Variants in CBX1 observed in about 807,000 individuals in gnomAD.
CBX1 encodes chromobox 1.
In CBX1, 10 loss-of-function variants were observed where a neutral mutation model predicts 25.1. That is an observed-to-expected ratio of 0.40 (90% confidence interval 0.25 to 0.68). The LOEUF (loss-of-function observed/expected upper bound fraction) is 0.68, where lower values mean the gene tolerates loss of function less well. CBX1 is among the 30% of genes least tolerant of loss of function. The pLI is 0.40. For synonymous variants in CBX1, 63 were observed against 79.4 expected (o/e 0.79, Z 1.10); for missense variants, 106 against 218.5 (o/e 0.49, Z 3.25).
intron 3 of CBX1, among the ~76,000 whole-genome samples, chr17:48,075,461 G>A (rs1443949455): frequency 2.0e-5 from 3 of 152,158 alleles, no homozygotes; most frequent in African/African-American, 7.2e-5. Context: ...CCAAGGGGCT[G>A]GGATTACAGG....
chr17:48,091,304 C>A (rs1425598708), intron 1 of CBX1, among the ~76,000 whole-genome samples: 2 of 151,942 alleles, frequency 1.3e-5, no homozygotes, highest in Non-Finnish European at 2.9e-5. Flanking sequence ...TTTCTTTCCC[C>A]CTCTTTTAAC....
Position 48,101,338 on chromosome 17 carries a change from G to A in CBX1, c.-108C>T. The A allele has an allele frequency of 1.0e-6, 1 of 986,182 alleles. No homozygotes were observed. Among genetic ancestry groups the A allele is most frequent in the Non-Finnish European group, 1.2e-6 (1 of 830,114 alleles). The allele number at this position is 986,182 out of a possible 1,614,324, so 61.1% of individuals were successfully genotyped here. Reference sequence around the variant, plus strand: ...CTGGCGCGTCGCGTCGGGTCGCCTGGGGGAGTGGCGCCCAGGAAGGCAGCA... The same window carrying A: ...CTGGCGCGTCGCGTCGGGTCGCCTGAGGGAGTGGCGCCCAGGAAGGCAGCA... On this transcript the variant is annotated 5_prime_UTR_variant, in exon 1 of 5. Transcript: ENST00000225603.
At chr17:48,095,426 C>G (rs1331181722) in intron 1 of CBX1, among the ~76,000 whole-genome samples, 1 of 151,904 alleles carries the variant, frequency 6.6e-6, no homozygotes, top group Non-Finnish European at 1.5e-5. Context: ...CCCATCTCTA[C>G]TAAAAATGCA....
intron 2 of CBX1, among the ~76,000 whole-genome samples, chr17:48,076,447 G>A (rs2037675293): frequency 6.6e-6 from 1 of 152,174 alleles, no homozygotes; most frequent in Non-Finnish European, 1.5e-5. Flanking sequence ...GCTCATGCTT[G>A]TAGTCCCAAC....
At chr17:48,073,283 T>C (rs754473287) in intron 4 of CBX1, among the ~76,000 whole-genome samples, 26 of 151,946 alleles carry the variant, frequency 1.7e-4, no homozygotes, top group Non-Finnish European at 3.1e-4. Context: ...CATAGTCCCA[T>C]AGAGCAGAAG....
intron 3 of CBX1, 77 bp downstream of exon 3, chr17:48,075,924 A>C (rs770640329): frequency 4.0e-5 from 44 of 1,111,612 alleles, no homozygotes; most frequent in Non-Finnish European, 5.6e-5. Flanking sequence ...TGCTAATATC[A>C]GGGAAGAAGC....
chr17:48,087,577 A>C (rs998929145), intron 1 of CBX1, among the ~76,000 whole-genome samples: 1 of 151,904 alleles, frequency 6.6e-6, no homozygotes, highest in Admixed American at 6.6e-5. Flanking sequence ...CCATCTCAAA[A>C]AAAATTTAAA....
intron 1 of CBX1, among the ~76,000 whole-genome samples, chr17:48,091,369 A>C (rs2063342767): frequency 6.7e-6 from 1 of 150,136 alleles, no homozygotes; most frequent in Non-Finnish European, 1.5e-5. Context: ...ATAACTGCAG[A>C]TCTTCTAGCT....
intron 1 of CBX1, among the ~76,000 whole-genome samples, chr17:48,099,925 G>T (rs916428879): frequency 4.6e-5 from 7 of 152,074 alleles, no homozygotes; most frequent in Non-Finnish European, 1.0e-4. Context: ...AGGATCACGA[G>T]GTCAGGAGTT....
At chr17:48,099,975 C>T (rs901744346) in intron 1 of CBX1, among the ~76,000 whole-genome samples, 4 of 151,724 alleles carry the variant, frequency 2.6e-5, no homozygotes, top group African/African-American at 4.8e-5. Flanking sequence ...CCCGTCTCTA[C>T]TAAAAATACA....
At chr17:48,094,204 C>A (rs947605881) in intron 1 of CBX1, among the ~76,000 whole-genome samples, 1 of 148,574 alleles carries the variant, frequency 6.7e-6, no homozygotes, top group Non-Finnish European at 1.5e-5. Context: ...GAGGCCAAGG[C>A]AGGTGGATCA....
intron 1 of CBX1, among the ~76,000 whole-genome samples, chr17:48,100,200 A>T (rs1248534481): frequency 6.6e-6 from 1 of 151,528 alleles, no homozygotes. Context: ...AACAAGGAAA[A>T]GCTGGCTAAA....
At chr17:48,072,454 G>C (rs898162753) in intron 4 of CBX1, among the ~76,000 whole-genome samples, 14 of 152,168 alleles carry the variant, frequency 9.2e-5, no homozygotes, top group African/African-American at 3.4e-4. Context: ...TCAACATCGG[G>C]AGTAGAAAAT....
chr17:48,078,281 C>T (rs899710826), intron 1 of CBX1, among the ~76,000 whole-genome samples: 8 of 151,992 alleles, frequency 5.3e-5, no homozygotes, highest in African/African-American at 1.9e-4. Context: ...CAAGCTCCGC[C>T]TCCTGGGTTC....
intron 4 of CBX1, among the ~76,000 whole-genome samples, chr17:48,072,553 C>T (rs536196331): frequency 2.0e-5 from 3 of 151,942 alleles, no homozygotes; most frequent in South Asian, 2.1e-4. Flanking sequence ...TTTGGGAAGC[C>T]GAGGCAGGTG....
At chr17:48,100,686 G>A (rs2063404127) in intron 1 of CBX1, 3 of 981,718 alleles carry the variant, frequency 3.1e-6, no homozygotes, top group Non-Finnish European at 3.6e-6. Flanking sequence ...CCCAGCAAAC[G>A]CCTGCCCCTC....
intron 1 of CBX1, among the ~76,000 whole-genome samples, chr17:48,082,833 A>C (rs1247803138): frequency 7.6e-6 from 1 of 131,054 alleles, no homozygotes; most frequent in Admixed American, 7.6e-5. Context: ...CCACTGTGCC[A>C]GGTAATTTTA....
chr17:48,076,300 G>A, intron 2 of CBX1, 122 bp from the exon 3 acceptor site: 1 of 713,676 alleles, frequency 1.4e-6, no homozygotes, highest in South Asian at 4.0e-5. Context: ...TGGGGAATGG[G>A]GAAGCTTTTT....
At chr17:48,077,554 T>A (rs2037690224) in intron 1 of CBX1, among the ~76,000 whole-genome samples, 2 of 151,044 alleles carry the variant, frequency 1.3e-5, no homozygotes, top group Admixed American at 1.3e-4. Flanking sequence ...CCTCCCAAAG[T>A]GTTGGAATTA....
Sources: allele counts gnomAD v4.1 joint callset (sites outside exome capture counted in the v4.1 genomes callset), GRCh38; gene constraint gnomAD v4.1.1; transcripts MANE v1.5; gene names NCBI Gene and HGNC (gene_info 2026-07-23, HGNC 2026-07-21).